Variants in CSMD1 observed in about 807,000 individuals in gnomAD.
CSMD1 encodes CUB and Sushi multiple domains 1.
A neutral mutation model predicts 417.5 loss-of-function variants in CSMD1; 213 were observed. The observed-to-expected ratio is 0.51, with a 90% CI of 0.46 to 0.57. The LOEUF (loss-of-function observed/expected upper bound fraction) is 0.57, where lower values mean the gene tolerates loss of function less well. Ranked by LOEUF, CSMD1 falls within the 20% of genes least tolerant of loss-of-function variation. The pLI is 0.00. For synonymous variants in CSMD1, 2,862 were observed against 1,736.8 expected (o/e 1.65, Z -16.11); for missense variants, 6,923 against 4,529.7 (o/e 1.53, Z -15.17).
At chr8:4,200,676 G>C (rs1413920166) in intron 3 of CSMD1, among the ~76,000 whole-genome samples, 1 of 152,076 alleles carries the variant, frequency 6.6e-6, no homozygotes, top group African/African-American at 2.4e-5. Flanking sequence ...GGCAAGGTAG[G>C]AAGACCGCAC....
intron 1 of CSMD1, among the ~76,000 whole-genome samples, chr8:4,727,981 A>T (rs1403760823): frequency 7.1e-6 from 1 of 141,626 alleles, no homozygotes; most frequent in African/African-American, 2.8e-5. Flanking sequence ...ATATATGTAT[A>T]TATATACAAA....
In CSMD1 at chr8:4,779,907, C is replaced by CT. The variant is rs1222883064; in HGVS notation, c.86-142350dup. On this transcript the variant is annotated intron_variant, in intron 1 of 69. Coordinates refer to ENST00000635120, the MANE Select transcript of CSMD1 (RefSeq NM_033225.6). ...TTCGGGGCCTTGCTTTTTCTTTTTT[C>CT]TTTTTTTTTTTCTCCAATAAGAAAA... is the stretch of plus-strand genomic sequence containing the variant. Among the ~76,000 whole-genome samples the CT allele has an allele frequency of 8.1e-4, 118 of 146,476 alleles. 1 individual carries two copies. The highest frequency in any genetic ancestry group is 6.8e-3 in the East Asian group (34 of 5,022).
chr8:3,284,457 T>C (rs1374908845), intron 25 of CSMD1, 111 bp from the exon 26 acceptor site: 3 of 737,258 alleles, frequency 4.1e-6, no homozygotes, highest in Admixed American at 2.1e-5. Context: ...CACCAACATG[T>C]GCCTCGGTAC....
intron 2 of CSMD1, among the ~76,000 whole-genome samples, chr8:4,607,401 T>C (rs959872311): frequency 2.0e-5 from 3 of 152,004 alleles, no homozygotes; most frequent in African/African-American, 7.2e-5. Context: ...GAATAGAAAA[T>C]TGCAGGCAAC....
At chr8:4,636,153 G>C (rs533043572) in intron 2 of CSMD1, among the ~76,000 whole-genome samples, 7 of 152,014 alleles carry the variant, frequency 4.6e-5, no homozygotes, top group Admixed American at 2.0e-4. Flanking sequence ...TATGATTCTT[G>C]TGTGTATTAC....
intron 1 of CSMD1, among the ~76,000 whole-genome samples, chr8:4,664,306 T>C (rs1161901802): frequency 6.6e-6 from 1 of 152,210 alleles, no homozygotes; most frequent in African/African-American, 2.4e-5. Context: ...ACGCCTATAA[T>C]CTCAGCACTG....
intron 3 of CSMD1, among the ~76,000 whole-genome samples, chr8:4,037,643 C>G (rs1015449117): frequency 6.6e-6 from 1 of 152,102 alleles, no homozygotes; most frequent in Non-Finnish European, 1.5e-5. Flanking sequence ...GTGTGCTTAT[C>G]TACTGAAAAT....
chr8:4,844,902 G>A (rs972159221), intron 1 of CSMD1, among the ~76,000 whole-genome samples: 23 of 152,078 alleles, frequency 1.5e-4, no homozygotes, highest in African/African-American at 5.6e-4. Context: ...GTATACAAGA[G>A]TATGGTTTTA....
intron 66 of CSMD1, 104 bp from the exon 67 acceptor site, chr8:2,950,447 A>G (rs901615706): frequency 2.8e-6 from 2 of 702,158 alleles, no homozygotes; most frequent in East Asian, 2.5e-5. Flanking sequence ...AATATCATCG[A>G]TAATAGAAAA....
At chr8:4,289,821 ACTAAT>A (rs1194660308) in intron 3 of CSMD1, among the ~76,000 whole-genome samples, 2 of 152,222 alleles carry the variant, frequency 1.3e-5, no homozygotes, top group East Asian at 1.9e-4. Flanking sequence ...GTGTTCACAA[ACTAAT>A]CTAATGTCTG....
At position 4,722,505 on chromosome 8, in the gene CSMD1, G is replaced by A. The variant is rs11779262; in HGVS notation, c.86-84947C>T. 3.3e-3 allele frequency among the ~76,000 whole-genome samples: 505 copies of A among 152,118 alleles called. 3 individuals carry two copies. Among genetic ancestry groups the A allele is most frequent in the Middle Eastern group, 0.01 (3 of 294 alleles). On this transcript the variant is annotated intron_variant, in intron 1 of 69. Transcript: ENST00000635120. ...ATCCTGCTTCCATTAGGACTTGGGA[G>A]GATTGCTGATTCTTCAGGAGTATGC...
intron 3 of CSMD1, among the ~76,000 whole-genome samples, chr8:4,165,688 C>A (rs942905957): frequency 6.6e-5 from 10 of 152,168 alleles, no homozygotes; most frequent in East Asian, 3.9e-4. Context: ...CAGGCGTGAC[C>A]CATCACACCC....
intron 3 of CSMD1, among the ~76,000 whole-genome samples, chr8:4,167,069 A>G (rs1368109755): frequency 1.3e-5 from 2 of 152,152 alleles, no homozygotes; most frequent in African/African-American, 2.4e-5. Flanking sequence ...GAGGAGAAAA[A>G]AACTTAGAAT....
At chr8:3,193,666 G>C (rs1334569626) in intron 33 of CSMD1, among the ~76,000 whole-genome samples, 3 of 152,146 alleles carry the variant, frequency 2.0e-5, no homozygotes, top group South Asian at 2.1e-4. Context: ...AAGTGAGCAG[G>C]AATGAGGTCA....
intron 38 of CSMD1, among the ~76,000 whole-genome samples, chr8:3,161,627 A>G (rs1819899624): frequency 6.6e-6 from 1 of 151,234 alleles, no homozygotes; most frequent in South Asian, 2.1e-4. Context: ...CCTCTCAGAA[A>G]AAAAAAAAAA....
At chr8:3,481,034 T>C (rs1817713706) in intron 11 of CSMD1, among the ~76,000 whole-genome samples, 2 of 151,372 alleles carry the variant, frequency 1.3e-5, no homozygotes, top group Non-Finnish European at 2.9e-5. Context: ...CAGGCACCTG[T>C]AGTCCCAGCT....
rs1487440680 is a variant in CSMD1 at position 3,000,069 on chromosome 8, A to G, written c.8092T>C (p.Tyr2698His). 6.2e-7 allele frequency: 1 copy of G among 1,602,680 alleles called. No homozygotes were observed. The highest frequency in any genetic ancestry group is 1.4e-5 in the African/African-American group (1 of 71,870). ...CACTGGTAAACCACCGTGTCTCTGT[A>G]ACTGAAGCCATCTCCACTAATGTGA... ...NGHISGDGFS[Y>H]RDTVVYQCNP... The change falls in exon 53 of 70, where the codon TAC becomes CAC. Residue 2698 changes from tyrosine (Y) to histidine (H), a missense_variant. Tyr to His is a moderately conservative substitution (Grantham distance 83). Coordinates refer to ENST00000635120, the MANE Select transcript of CSMD1 (RefSeq NM_033225.6).
At chr8:3,090,184 G>A (rs1449268810) in intron 48 of CSMD1, among the ~76,000 whole-genome samples, 1 of 152,002 alleles carries the variant, frequency 6.6e-6, no homozygotes, top group African/African-American at 2.4e-5. Flanking sequence ...GGGCGCGGTG[G>A]CGGGCGCCTG....
At chr8:4,249,154 A>T (rs1442736574) in intron 3 of CSMD1, among the ~76,000 whole-genome samples, 1 of 152,202 alleles carries the variant, frequency 6.6e-6, no homozygotes, top group African/African-American at 2.4e-5. Flanking sequence ...TAATCTTAAC[A>T]TATATTAAGA....
Sources: gnomAD v4.1 joint callset for allele counts (sites outside exome capture counted in the v4.1 genomes callset) on GRCh38, gnomAD v4.1.1 for gene constraint, MANE v1.5 for transcripts, NCBI Gene and HGNC (gene_info 2026-07-23, HGNC 2026-07-21) for gene names.